The following MLST8 variants were observed in gnomAD, a reference collection of about 807,000 sequenced individuals.
MLST8 encodes MTOR associated protein MLST8, also known as target of rapamycin complex subunit LST8.
A neutral mutation model predicts 41.3 loss-of-function variants in MLST8; 20 were observed. That is an observed-to-expected ratio of 0.48 (90% CI 0.34 to 0.70). MLST8 has a LOEUF of 0.70. MLST8 is among the 30% of genes least tolerant of loss of function. The probability of loss-of-function intolerance (pLI) is 0.01; values close to 1 mark genes in which losing one functional copy is unlikely to be tolerated. For synonymous variants in MLST8, 243 were observed against 183.0 expected (o/e 1.33, Z -2.65); for missense variants, 422 against 454.3 (o/e 0.93, Z 0.65).
rs1416807057 is a variant in MLST8 at position 2,209,097 on chromosome 16, C to T, written c.*220C>T. On this transcript the variant is annotated 3_prime_UTR_variant, in exon 9 of 9. Coordinates refer to ENST00000569417, the MANE Select transcript of MLST8 (RefSeq NM_022372.6). ...TCGACCCAAGCCAGGCTGCACACTCCTGGACTGGGCTAGCCTGCACTGCCT... is the reference window on the plus strand; with the variant it reads ...TCGACCCAAGCCAGGCTGCACACTCTTGGACTGGGCTAGCCTGCACTGCCT... The T allele has an allele frequency of 3.1e-6, 2 of 643,764 alleles. No homozygotes were observed. Among genetic ancestry groups the T allele is most frequent in the Non-Finnish European group, 5.4e-6 (2 of 373,326 alleles). The allele number at this position is 643,764 out of a possible 1,614,324, so 39.9% of individuals were successfully genotyped here.
At chr16:2,207,402 C>T in intron 6 of MLST8, 57 bp downstream of exon 6, 2 of 1,581,550 alleles carry the variant, frequency 1.3e-6, no homozygotes, top group South Asian at 2.3e-5. Context: ...CCCTCAGCCT[C>T]TGCAGGTGGG....
rs991466094 is a variant in MLST8 at position 2,209,041 on chromosome 16, C to T, written c.*164C>T. The T allele has an allele frequency of 2.7e-6, 2 of 747,144 alleles. No individual in the cohort carries two copies. Among genetic ancestry groups the T allele is most frequent in the Non-Finnish European group, 4.5e-6 (2 of 447,718 alleles). 46.3% of individuals were successfully genotyped at this position (747,144 alleles called of 1,614,324 possible). ...GGCCAGGCTGCCCTGGGACTCTCAGCCCCCAGTTGCTTATCCAGATGTGAC... is the reference window on the plus strand; with the variant it reads ...GGCCAGGCTGCCCTGGGACTCTCAGTCCCCAGTTGCTTATCCAGATGTGAC... On this transcript the variant is annotated 3_prime_UTR_variant, in exon 9 of 9. Coordinates refer to ENST00000569417, the MANE Select transcript of MLST8 (RefSeq NM_022372.6).
Position 2,207,216 on chromosome 16 carries a change from G to C in MLST8, c.444G>C (p.Gln148His). ...PNQAELIVGD[Q>H]SGAIHIWDLK... ...AGGCAGAGCTCATCGTGGGTGACCA[G>C]AGCGGGGCTATCCACATCTGGGACT... The change falls in exon 6 of 9, where the codon CAG (glutamine) becomes CAC (histidine). Residue 148 changes from glutamine to histidine, a missense_variant. Transcript: ENST00000569417. The C allele has an allele frequency of 6.2e-7, 1 of 1,614,148 alleles. No homozygotes were observed. Among genetic ancestry groups the C allele is most frequent in the Non-Finnish European group, 8.5e-7 (1 of 1,179,992 alleles).
rs780761564 is a variant in MLST8 at position 2,207,180 on chromosome 16, C to A, written c.421-13C>A. On this transcript the variant is annotated splice_polypyrimidine_tract_variant and intron_variant, in intron 5 of 8. Transcript: ENST00000569417. Reference sequence around the variant, plus strand: ...CTGGGCTTGGGCCCTGCCTCACCACCCCTGCACCCCAGGCAGAGCTCATCG... The same window carrying A: ...CTGGGCTTGGGCCCTGCCTCACCACACCTGCACCCCAGGCAGAGCTCATCG... The A allele has an allele frequency of 6.2e-7, 1 of 1,613,386 alleles. No individual in the cohort carries two copies.
At chr16:2,205,590 C>G in intron 1 of MLST8, 78 bp downstream of exon 1, 4 of 800,080 alleles carry the variant, frequency 5.0e-6, no homozygotes, top group Non-Finnish European at 6.1e-6. Context: ...AGCCGGCCAG[C>G]AGGACGGAGC....
chr16:2,206,733 C>T (rs757237601), intron 4 of MLST8, 74 bp downstream of exon 4: 24 of 1,544,034 alleles, frequency 1.6e-5, no homozygotes, highest in Middle Eastern at 1.7e-4. Flanking sequence ...GTTGGGTTCT[C>T]TTCAAGCAGA....
In MLST8 at chr16:2,209,025, GC is replaced by G; in HGVS notation, c.*151del. On this transcript the variant is annotated 3_prime_UTR_variant, in exon 9 of 9. Coordinates refer to ENST00000569417, the MANE Select transcript of MLST8 (RefSeq NM_022372.6). ...GCGCCTTGACCTGCTGGGCCAGGCT[GC>G]CCTGGGACTCTCAGCCCCCAGTTGC... 3.5e-6 allele frequency: 3 copies of G among 848,414 alleles called. No homozygotes were observed. Among genetic ancestry groups the G allele is most frequent in the Non-Finnish European group, 5.6e-6 (3 of 531,428 alleles). 52.6% of individuals were successfully genotyped at this position (848,414 alleles called of 1,614,324 possible).
chr16:2,208,730 T>G (rs371390611), intron 8 of MLST8, 29 bp from the exon 9 acceptor site: 4 of 1,613,708 alleles, frequency 2.5e-6, no homozygotes, highest in Non-Finnish European at 3.4e-6. Flanking sequence ...GCACCTGCGC[T>G]CTTAGCCCTG....
intron 1 of MLST8, chr16:2,205,817 C>T (rs1328365243): frequency 8.8e-7 from 1 of 1,135,582 alleles, no homozygotes; most frequent in Admixed American, 4.7e-5. Context: ...GGGGGGACGG[C>T]GCCCCCGCCG....
chr16:2,209,038 C>T lies in MLST8; in HGVS notation c.*161C>T. The stretch of plus-strand genomic sequence containing the variant: ...CTGGGCCAGGCTGCCCTGGGACTCT[C>T]AGCCCCCAGTTGCTTATCCAGATGT... On this transcript the variant is annotated 3_prime_UTR_variant, in exon 9 of 9. Coordinates refer to ENST00000569417, the MANE Select transcript of MLST8 (RefSeq NM_022372.6). 1 of 773,608 alleles carries T rather than the reference C, an allele frequency of 1.3e-6. No homozygotes were observed. Among genetic ancestry groups the T allele is most frequent in the Non-Finnish European group, 2.1e-6 (1 of 468,260 alleles). The allele number at this position is 773,608 out of a possible 1,614,324, so 47.9% of individuals were successfully genotyped here.
Position 2,209,205 on chromosome 16 carries a change from C to G in MLST8, c.*328C>G, listed in dbSNP as rs1186661201. 1.6e-5 allele frequency: 12 copies of G among 739,196 alleles called. No homozygotes were observed. Among genetic ancestry groups the G allele is most frequent in the African/African-American group, 3.5e-5 (2 of 56,420 alleles). 45.8% of individuals were successfully genotyped at this position (739,196 alleles called of 1,614,324 possible). A position where few individuals can be genotyped will look rare whatever the true frequency, so the allele number is the denominator to read the frequency against. ...CAAGCTAGTGTGTTCTCTGCCCCTCCCTGCCCGCGTTTCAGGGCCTCGGTC... is the reference window on the plus strand; with the variant it reads ...CAAGCTAGTGTGTTCTCTGCCCCTCGCTGCCCGCGTTTCAGGGCCTCGGTC... On this transcript the variant is annotated 3_prime_UTR_variant, in exon 9 of 9. Coordinates refer to ENST00000569417, the MANE Select transcript of MLST8 (RefSeq NM_022372.6).
Position 2,206,071 on chromosome 16 carries a change from C to A in MLST8, c.-15C>A. 1 of 1,577,660 alleles carries A rather than the reference C, an allele frequency of 6.3e-7. No individual in the cohort carries two copies. Among genetic ancestry groups the A allele is most frequent in the Non-Finnish European group, 8.6e-7 (1 of 1,158,598 alleles). On this transcript the variant is annotated 5_prime_UTR_variant, in exon 2 of 9. Transcript: ENST00000569417. ...ACCCCTGCCGTTCAGCTCTAGGGCC[C>A]GTGCAGGCCACACCATGAACACCTC...
chr16:2,209,013 C>T lies in MLST8; in HGVS notation c.*136C>T. The T allele has an allele frequency of 1.1e-6, 1 of 931,186 alleles. No homozygotes were observed. Among genetic ancestry groups the T allele is most frequent in the East Asian group, 2.4e-5 (1 of 41,254 alleles). The allele number at this position is 931,186 out of a possible 1,614,324, so 57.7% of individuals were successfully genotyped here. A position where few individuals can be genotyped will look rare whatever the true frequency, so the allele number is the denominator to read the frequency against. ...TGGCCCCCTGTGGCGCCTTGACCTG[C>T]TGGGCCAGGCTGCCCTGGGACTCTC... On this transcript the variant is annotated 3_prime_UTR_variant, in exon 9 of 9. Coordinates refer to ENST00000569417, the MANE Select transcript of MLST8 (RefSeq NM_022372.6).
chr16:2,206,287 G>GC, intron 2 of MLST8, 71 bp from the exon 3 acceptor site: 1 of 1,607,020 alleles, frequency 6.2e-7, no homozygotes, highest in East Asian at 2.2e-5. Flanking sequence ...CTGTGTGAAG[G>GC]CCAGATGGTG....
Position 2,207,299 on chromosome 16 carries a change from C to A in MLST8, c.527C>A (p.Ala176Asp). The change falls in exon 6 of 9, where the codon GCC (alanine) becomes GAC (aspartate). Residue 176 changes from alanine (A) to aspartate (D), a missense_variant. Physicochemically the swap from Ala to Asp is moderately radical, Grantham distance 126 (BLOSUM62 -2). Coordinates refer to ENST00000569417, the MANE Select transcript of MLST8 (RefSeq NM_022372.6). ...GAGCCCGAGGTCTCCATCACGTCCGCCCACATCGATCCCGACGCCAGCTAC... is the reference window on the plus strand; with the variant it reads ...GAGCCCGAGGTCTCCATCACGTCCGACCACATCGATCCCGACGCCAGCTAC... ...IPEPEVSITS[A>D]HIDPDASYMA... is the part of the protein sequence containing the mutation. 6.2e-7 allele frequency: 1 copy of A among 1,614,154 alleles called. No individual in the cohort carries two copies. Among genetic ancestry groups the A allele is most frequent in the Non-Finnish European group, 8.5e-7 (1 of 1,180,016 alleles).
In MLST8 at chr16:2,208,873, G is replaced by A. The variant is rs2093352394; in HGVS notation, c.977G>A (p.Gly326Asp). 7.4e-6 allele frequency: 12 copies of A among 1,613,246 alleles called. No individual in the cohort carries two copies. The highest frequency in any genetic ancestry group is 1.0e-5 in the Non-Finnish European group (12 of 1,179,876). Reference sequence around the variant, plus strand: ...CTGGCCTTCAATGACAGTGTGCTGGGCTAGCCTGTGACCCCTCGGGACTGC... The same window carrying A: ...CTGGCCTTCAATGACAGTGTGCTGGACTAGCCTGTGACCCCTCGGGACTGC... ...VCLAFNDSVL[G>D] Residue 326 changes from glycine (G) to aspartate (D), a missense_variant, in exon 9 of 9, where the codon GGC (glycine) becomes GAC (aspartate). Coordinates refer to ENST00000569417, the MANE Select transcript of MLST8 (RefSeq NM_022372.6).
At chr16:2,206,282 T>C (rs2093287255) in intron 2 of MLST8, 68 bp downstream of exon 2, 1 of 1,605,688 alleles carries the variant, frequency 6.2e-7, no homozygotes, top group Non-Finnish European at 8.5e-7. Context: ...ACAGCCTGTG[T>C]GAAGGCCAGA....
chr16:2,208,093 C>T, intron 6 of MLST8, 117 bp from the exon 7 acceptor site: 1 of 1,263,602 alleles, frequency 7.9e-7, no homozygotes, highest in South Asian at 1.6e-5. Context: ...GGCCTGCCTG[C>T]CCCTCACCCG....
At chr16:2,205,837 G>A (rs771549364) in intron 1 of MLST8, 194 bp from the exon 2 acceptor site, 1 of 1,236,078 alleles carries the variant, frequency 8.1e-7, no homozygotes, top group East Asian at 3.8e-5. Context: ...GTGTGCGTGG[G>A]GCGGGGATGG....
Sources: allele counts gnomAD v4.1 joint callset, GRCh38; gene constraint gnomAD v4.1.1; transcripts MANE v1.5; gene names NCBI Gene and HGNC (gene_info 2026-07-23, HGNC 2026-07-21).